FHIT: variants seen among roughly 807,000 people sequenced by gnomAD.
FHIT encodes the protein fragile histidine triad diadenosine triphosphatase.
A neutral mutation model predicts 17.9 loss-of-function variants in FHIT; 19 were observed. The observed-to-expected ratio is 1.06, with a 90% CI of 0.74 to 1.56. The LOEUF is 1.56. Among genes scored for constraint, FHIT ranks in the 40% most tolerant of loss-of-function variants. The pLI is 0.00. For missense variants in FHIT, 248 were observed against 189.2 expected (o/e 1.31, Z -1.82); for synonymous variants, 81 against 69.7 (o/e 1.16, Z -0.81).
At chr3:60,072,479 A>C (rs763003812) in intron 5 of FHIT, among the ~76,000 whole-genome samples, 43 of 152,154 alleles carry the variant, frequency 2.8e-4, no homozygotes, top group Admixed American at 2.6e-4. Context: ...AACAACAATA[A>C]AAATTAGAAT....
chr3:60,354,534 A>C (rs1487351030), intron 5 of FHIT, among the ~76,000 whole-genome samples: 1 of 152,186 alleles, frequency 6.6e-6, no homozygotes, highest in East Asian at 1.9e-4. Flanking sequence ...ATTCAATGCC[A>C]GTTAAGTCAC....
chr3:60,659,925 C>T (rs568963470), intron 4 of FHIT, among the ~76,000 whole-genome samples: 17 of 152,092 alleles, frequency 1.1e-4, no homozygotes, highest in Non-Finnish European at 2.5e-4. Context: ...TCCCCTTCCC[C>T]AGGGTTTGCT....
At chr3:60,896,095 C>T (rs1203994969) in intron 3 of FHIT, among the ~76,000 whole-genome samples, 1 of 152,052 alleles carries the variant, frequency 6.6e-6, no homozygotes, top group African/African-American at 2.4e-5. Context: ...CTATTGTGAA[C>T]TGCGCATACT....
chr3:60,929,600 C>G (rs1370915833), intron 3 of FHIT, among the ~76,000 whole-genome samples: 1 of 152,146 alleles, frequency 6.6e-6, no homozygotes, highest in Non-Finnish European at 1.5e-5. Context: ...CATGAGTGAA[C>G]TCCCATTCAC....
intron 5 of FHIT, among the ~76,000 whole-genome samples, chr3:60,312,970 T>C (rs1016726138): frequency 6.6e-6 from 1 of 152,132 alleles, no homozygotes; most frequent in Non-Finnish European, 1.5e-5. Context: ...TGAGACCGAG[T>C]GCATCCATAA....
chr3:60,569,159 A>T (rs966879227), intron 4 of FHIT, among the ~76,000 whole-genome samples: 3 of 152,126 alleles, frequency 2.0e-5, no homozygotes, highest in Non-Finnish European at 4.4e-5. Flanking sequence ...AAGGTTTGAC[A>T]TAGACCAAGG....
chr3:60,582,862 A>G lies in FHIT; in HGVS notation c.-17-45883T>C, dbSNP rs938887970. 1.2e-4 allele frequency among the ~76,000 whole-genome samples: 18 copies of G among 152,146 alleles called. 1 individual carries two copies. In the South Asian group the frequency reaches 1.2e-3, roughly 11 times the overall value. Reference sequence around the variant, plus strand: ...CCTACTTGATTCTCAGAACAAATCTATATTTTATAGGTAAGAAAACTAAAG... The same window carrying G: ...CCTACTTGATTCTCAGAACAAATCTGTATTTTATAGGTAAGAAAACTAAAG... On this transcript the variant is annotated intron_variant, in intron 4 of 9. Coordinates refer to ENST00000492590, the MANE Select transcript of FHIT (RefSeq NM_002012.4).
intron 5 of FHIT, among the ~76,000 whole-genome samples, chr3:60,109,863 C>G (rs1704594182): frequency 1.3e-5 from 2 of 152,112 alleles, no homozygotes; most frequent in African/African-American, 4.8e-5. Flanking sequence ...AAAATTAAAC[C>G]AATGATGTAT....
At chr3:60,854,792 A>G (rs1383174654) in intron 3 of FHIT, among the ~76,000 whole-genome samples, 1 of 152,092 alleles carries the variant, frequency 6.6e-6, no homozygotes, top group Non-Finnish European at 1.5e-5. Context: ...GTCTTTCCTA[A>G]CTGTAAGAGA....
chr3:60,854,183 AG>A (rs1703270602), intron 3 of FHIT, among the ~76,000 whole-genome samples: 1 of 152,112 alleles, frequency 6.6e-6, no homozygotes, highest in Non-Finnish European at 1.5e-5. Context: ...GTAAGCTCAA[AG>A]TGTTCCAACA....
intron 5 of FHIT, among the ~76,000 whole-genome samples, chr3:60,456,906 A>C (rs2032131322): frequency 6.6e-6 from 1 of 152,172 alleles, no homozygotes; most frequent in African/African-American, 2.4e-5. Context: ...GAGAACTACA[A>C]ACCACTGCTC....
chr3:60,016,328 G>T (rs889007690), intron 5 of FHIT, among the ~76,000 whole-genome samples: 4 of 152,168 alleles, frequency 2.6e-5, no homozygotes, highest in African/African-American at 9.7e-5. Context: ...AAGGTCAATA[G>T]TTATAATTTA....
intron 5 of FHIT, among the ~76,000 whole-genome samples, chr3:60,457,009 G>T (rs913118523): frequency 9.2e-5 from 14 of 152,104 alleles, no homozygotes; most frequent in Non-Finnish European, 1.8e-4. Flanking sequence ...TACTGCCCAA[G>T]GTAATTTATA....
chr3:60,645,567 C>T (rs1553686527), intron 4 of FHIT, among the ~76,000 whole-genome samples: 1 of 152,158 alleles, frequency 6.6e-6, no homozygotes, highest in African/African-American at 2.4e-5. Context: ...GAGACATCTT[C>T]TCTTGTCTCC....
At chr3:60,526,943 C>G (rs766631235) in intron 5 of FHIT, among the ~76,000 whole-genome samples, 1 of 152,160 alleles carries the variant, frequency 6.6e-6, no homozygotes, top group African/African-American at 2.4e-5. Context: ...TTTCAACTGT[C>G]GATCTTTGTC....
At chr3:60,060,238 A>G (rs1454535145) in intron 5 of FHIT, among the ~76,000 whole-genome samples, 1 of 152,186 alleles carries the variant, frequency 6.6e-6, no homozygotes, top group East Asian at 1.9e-4. Flanking sequence ...TACACACTCA[A>G]AAAGTTTCTC....
chr3:60,244,114 T>C (rs926219595), intron 5 of FHIT, among the ~76,000 whole-genome samples: 4 of 152,104 alleles, frequency 2.6e-5, no homozygotes, highest in African/African-American at 9.7e-5. Flanking sequence ...GTGGCTTTTC[T>C]GATCACAGCA....
chr3:60,192,321 G>A (rs1702438784), intron 5 of FHIT, among the ~76,000 whole-genome samples: 1 of 151,932 alleles, frequency 6.6e-6, no homozygotes, highest in Admixed American at 6.6e-5. Flanking sequence ...GGTAAACTGA[G>A]GGCTGCTGAA....
At chr3:59,886,887 A>C (rs1703646937) in intron 8 of FHIT, among the ~76,000 whole-genome samples, 1 of 152,218 alleles carries the variant, frequency 6.6e-6, no homozygotes, top group South Asian at 2.1e-4. Context: ...TCTATTAGAC[A>C]TTCATTTATT....
Sources: gnomAD v4.1 joint callset for allele counts (sites outside exome capture counted in the v4.1 genomes callset) on GRCh38, gnomAD v4.1.1 for gene constraint, MANE v1.5 for transcripts, NCBI Gene and HGNC (gene_info 2026-07-23, HGNC 2026-07-21) for gene names.